ANGPT1: variants seen among roughly 807,000 people sequenced by gnomAD.
ANGPT1 encodes the protein angiopoietin-1.
Under a neutral mutation model 62.2 loss-of-function variants are expected in ANGPT1, and 17 were observed. The ratio of observed to expected loss-of-function variants is 0.27; its 90% CI spans 0.19 to 0.41. The LOEUF is 0.41. Among genes scored for constraint, ANGPT1 ranks in the 10% least tolerant of loss-of-function variants. The pLI, the probability that ANGPT1 is intolerant of heterozygous loss-of-function variation, is 1.00. For missense variants in ANGPT1, 478 were observed against 594.9 expected, an observed-to-expected ratio of 0.80 and a Z score of 2.04; for synonymous variants, 199 against 198.9, an observed-to-expected ratio of 1.00 and a Z score of 0.00.
At chr8:107,494,483 A>G (rs1182296353) in intron 1 of ANGPT1, 3 of 152,230 alleles carry the variant, frequency 2.0e-5, no homozygotes, top group Non-Finnish European at 2.9e-5. Flanking sequence ...GGTGTTTCAC[A>G]AAATAAAACT....
intron 1 of ANGPT1, among the ~76,000 whole-genome samples, chr8:107,363,865 T>G (rs1816218149): frequency 6.6e-6 from 1 of 152,178 alleles, no homozygotes; most frequent in South Asian, 2.1e-4. Context: ...CTCAACTTCC[T>G]CATCTGTAAA....
intron 1 of ANGPT1, among the ~76,000 whole-genome samples, chr8:107,434,770 A>G (rs1314668109): frequency 6.6e-6 from 1 of 152,194 alleles, no homozygotes; most frequent in East Asian, 1.9e-4. Flanking sequence ...TTGTAAATGT[A>G]TACCCAATAA....
chr8:107,310,473 A>G (rs1814822645), intron 4 of ANGPT1, among the ~76,000 whole-genome samples: 2 of 152,178 alleles, frequency 1.3e-5, no homozygotes, highest in Non-Finnish European at 2.9e-5. Context: ...CTCTGCTGAC[A>G]AGAGCACACC....
At chr8:107,437,029 C>T (rs1811353251) in intron 1 of ANGPT1, among the ~76,000 whole-genome samples, 1 of 152,080 alleles carries the variant, frequency 6.6e-6, no homozygotes, top group South Asian at 2.1e-4. Context: ...AAGTCATCTA[C>T]CAATATAGTT....
chr8:107,369,716 G>A (rs1343558053), intron 1 of ANGPT1, among the ~76,000 whole-genome samples: 2 of 151,800 alleles, frequency 1.3e-5, no homozygotes, highest in Non-Finnish European at 2.9e-5. Flanking sequence ...GGCCCATTGA[G>A]AGGGAGAGAG....
At position 107,374,211 on chromosome 8, in the gene ANGPT1, T is replaced by A. The variant is rs1266131265; in HGVS notation, c.298-27114A>T. On this transcript the variant is annotated intron_variant, in intron 1 of 8. Coordinates refer to ENST00000517746, the MANE Select transcript of ANGPT1 (RefSeq NM_001146.5). ...TCCATCTTAAAAGTATGATCAAATA[T>A]AGCAGTCGTAAGAAAACAGGAGACC... Among the ~76,000 whole-genome samples the A allele has an allele frequency of 2.0e-5, 3 of 152,148 alleles. No individual in the cohort carries two copies. The East Asian group carries it at 5.8e-4, about 29-fold the overall frequency.
chr8:107,445,932 T>A (rs1811604365), intron 1 of ANGPT1, among the ~76,000 whole-genome samples: 1 of 152,164 alleles, frequency 6.6e-6, no homozygotes, highest in Non-Finnish European at 1.5e-5. Flanking sequence ...AATTTATGTA[T>A]TTTGAGATGA....
intron 1 of ANGPT1, among the ~76,000 whole-genome samples, chr8:107,473,083 T>C (rs114872901): frequency 1.2e-3 from 176 of 152,202 alleles, no homozygotes; most frequent in African/African-American, 4.0e-3. Flanking sequence ...AAGAAGAGTA[T>C]GGGTTTTTAA....
Position 107,251,811 on chromosome 8 carries a change from C to G in ANGPT1, c.*44G>C. On this transcript the variant is annotated 3_prime_UTR_variant, in exon 9 of 9. Coordinates refer to ENST00000517746, the MANE Select transcript of ANGPT1 (RefSeq NM_001146.5). Reference sequence around the variant, plus strand: ...ACAGTTTCTCACCTGGCAGCTTCTCCGGATTTCTTTGTTGCTTTCATAATC... The same window carrying G: ...ACAGTTTCTCACCTGGCAGCTTCTCGGGATTTCTTTGTTGCTTTCATAATC... 1 of 1,607,398 alleles carries G rather than the reference C, an allele frequency of 6.2e-7. No individual in the cohort carries two copies. The highest frequency in any genetic ancestry group is 1.1e-5 in the South Asian group (1 of 90,448).
chr8:107,261,993 G>A (rs1448951003), intron 8 of ANGPT1, among the ~76,000 whole-genome samples: 5 of 151,860 alleles, frequency 3.3e-5, no homozygotes, highest in African/African-American at 1.2e-4. Context: ...TCAGGGCTTC[G>A]AGACCAGCCT....
At chr8:107,354,762 T>C (rs1816005609) in intron 1 of ANGPT1, among the ~76,000 whole-genome samples, 1 of 152,142 alleles carries the variant, frequency 6.6e-6, no homozygotes. Flanking sequence ...AATATATTCC[T>C]TGTCTTTCTC....
At chr8:107,449,816 A>G (rs1554595448) in intron 1 of ANGPT1, among the ~76,000 whole-genome samples, 3 of 152,102 alleles carry the variant, frequency 2.0e-5, no homozygotes, top group Non-Finnish European at 4.4e-5. Flanking sequence ...TAATAACATT[A>G]TGTGTGTGTC....
intron 5 of ANGPT1, among the ~76,000 whole-genome samples, chr8:107,299,627 AG>A (rs1814516502): frequency 7.2e-6 from 1 of 139,584 alleles, no homozygotes; most frequent in African/African-American, 2.6e-5. Context: ...ATCTATATAT[AG>A]ATCTCTATAT....
intron 1 of ANGPT1, among the ~76,000 whole-genome samples, chr8:107,453,966 T>C (rs1188017034): frequency 6.6e-6 from 1 of 152,040 alleles, no homozygotes; most frequent in Non-Finnish European, 1.5e-5. Flanking sequence ...ATTTAAAAGA[T>C]GTTAAGAATA....
chr8:107,462,290 T>C (rs1468348040), intron 1 of ANGPT1, among the ~76,000 whole-genome samples: 1 of 151,822 alleles, frequency 6.6e-6, no homozygotes, highest in Admixed American at 6.6e-5. Context: ...TGGGAGGACT[T>C]CTCACTGCCA....
At chr8:107,350,542 C>A (rs1350761879) in intron 1 of ANGPT1, among the ~76,000 whole-genome samples, 2 of 152,028 alleles carry the variant, frequency 1.3e-5, no homozygotes, top group Non-Finnish European at 2.9e-5. Flanking sequence ...AAAGTTAACA[C>A]CAGCAAAGCA....
At chr8:107,489,262 T>A (rs1266033218) in intron 1 of ANGPT1, among the ~76,000 whole-genome samples, 1 of 152,188 alleles carries the variant, frequency 6.6e-6, no homozygotes, top group Non-Finnish European at 1.5e-5. Flanking sequence ...TTTATTCATA[T>A]TTCAGCTGCT....
chr8:107,250,476 C>G lies in ANGPT1; in HGVS notation c.*1379G>C, dbSNP rs1016145936. On this transcript the variant is annotated 3_prime_UTR_variant, in exon 9 of 9. Coordinates refer to ENST00000517746, the MANE Select transcript of ANGPT1 (RefSeq NM_001146.5). ...TATAATAGTTTTGCCAATTTTTCTC[C>G]CCTGATAATAATTTTTAAAAATTAA... The G allele has an allele frequency of 1.6e-4, 24 of 151,666 alleles. No individual in the cohort carries two copies. The highest frequency in any genetic ancestry group is 5.6e-4 in the African/African-American group (23 of 41,288). 9.4% of individuals were successfully genotyped at this position (151,666 alleles called of 1,614,324 possible).
At chr8:107,475,417 C>T (rs1488454531) in intron 1 of ANGPT1, among the ~76,000 whole-genome samples, 1 of 152,134 alleles carries the variant, frequency 6.6e-6, no homozygotes, top group African/African-American at 2.4e-5. Context: ...CTTCCTTACA[C>T]CTTATACAAA....
Sources: gnomAD v4.1 joint callset for allele counts (sites outside exome capture counted in the v4.1 genomes callset) on GRCh38, gnomAD v4.1.1 for gene constraint, MANE v1.5 for transcripts, NCBI Gene and HGNC (gene_info 2026-07-23, HGNC 2026-07-21) for gene names.